Variants in FHIP1A observed in about 807,000 individuals in gnomAD.
FHIP1A encodes the protein FHF complex subunit HOOK interacting protein 1A, also known as FHF complex subunit HOOK-interacting protein 1A.
Under a neutral mutation model 88.6 loss-of-function variants are expected in FHIP1A, and 61 were observed. The observed-to-expected ratio is 0.69, with a 90% confidence interval of 0.56 to 0.85. The LOEUF is 0.85. FHIP1A is among the 40% of genes least tolerant of loss of function. FHIP1A has a pLI of 0.00. For missense variants in FHIP1A, 1,154 were observed against 1,273.5 expected (o/e 0.91, Z 1.43); for synonymous variants, 478 against 496.0 (o/e 0.96, Z 0.48).
intron 3 of FHIP1A, among the ~76,000 whole-genome samples, chr4:151,553,177 C>T (rs1732812319): frequency 6.6e-6 from 1 of 152,148 alleles, no homozygotes; most frequent in Non-Finnish European, 1.5e-5. Flanking sequence ...ATCTGATCCA[C>T]AGTGGGAGAT....
chr4:151,459,783 C>A (rs1443042284), intron 2 of FHIP1A, among the ~76,000 whole-genome samples: 1 of 152,152 alleles, frequency 6.6e-6, no homozygotes, highest in African/African-American at 2.4e-5. Flanking sequence ...AGAACAGTGG[C>A]TGAAGCTAGA....
At chr4:151,418,097 A>C (rs149585876) in intron 1 of FHIP1A, among the ~76,000 whole-genome samples, 2 of 147,864 alleles carry the variant, frequency 1.4e-5, no homozygotes, top group Non-Finnish European at 3.0e-5. Context: ...ACTTCAGCTC[A>C]GGAGTTTGAG....
chr4:151,511,822 C>T (rs1033368591), intron 3 of FHIP1A, among the ~76,000 whole-genome samples: 8 of 152,266 alleles, frequency 5.3e-5, no homozygotes, highest in Non-Finnish European at 1.0e-4. Flanking sequence ...CTCAAGGAGG[C>T]CTGCCTGCCT....
chr4:151,629,658 A>G, intron 7 of FHIP1A, 44 bp from the exon 8 acceptor site: 1 of 1,536,686 alleles, frequency 6.5e-7, no homozygotes, highest in Non-Finnish European at 8.8e-7. Flanking sequence ...GTATCACAGC[A>G]TCAAAAGGAT....
chr4:151,520,988 C>G (rs530965583), intron 3 of FHIP1A, among the ~76,000 whole-genome samples: 1 of 152,286 alleles, frequency 6.6e-6, no homozygotes, highest in South Asian at 2.1e-4. Flanking sequence ...AAGGTATTCA[C>G]TCAATTATGG....
At chr4:151,521,905 T>C (rs1407584932) in intron 3 of FHIP1A, among the ~76,000 whole-genome samples, 1 of 152,120 alleles carries the variant, frequency 6.6e-6, no homozygotes, top group Non-Finnish European at 1.5e-5. Context: ...TTAAAATTTT[T>C]TGTGGAGATG....
chr4:151,531,175 C>A (rs977422604), intron 3 of FHIP1A, among the ~76,000 whole-genome samples: 1 of 151,880 alleles, frequency 6.6e-6, no homozygotes, highest in Non-Finnish European at 1.5e-5. Context: ...TGCCAGCAAC[C>A]CTTTCAAATA....
chr4:151,475,817 G>GT (rs534253121), intron 2 of FHIP1A, among the ~76,000 whole-genome samples: 56 of 148,726 alleles, frequency 3.8e-4, no homozygotes, highest in Admixed American at 1.0e-3. Context: ...AAAGTCATCT[G>GT]TTTTTTTTTA....
intron 5 of FHIP1A, among the ~76,000 whole-genome samples, chr4:151,578,544 G>T (rs970534553): frequency 6.6e-6 from 1 of 152,154 alleles, no homozygotes; most frequent in Non-Finnish European, 1.5e-5. Context: ...ACATGGGGGG[G>T]TGGAGTGGGA....
In FHIP1A at chr4:151,487,302, G is replaced by A. The variant is rs149192504; in HGVS notation, c.-123+4654G>A. 4.7e-3 allele frequency among the ~76,000 whole-genome samples: 713 copies of A among 152,076 alleles called. 5 individuals are homozygous for A. The highest frequency in any genetic ancestry group is 6.4e-3 in the Non-Finnish European group (438 of 67,966). On this transcript the variant is annotated intron_variant, in intron 3 of 13. Coordinates refer to ENST00000435205, the MANE Select transcript of FHIP1A (RefSeq NM_001109977.3). ...TCTTTATTAGAAGAATCGTTTGTGA[G>A]TCTTCCTCTTCTTTTCAGTCTTTTT... is the stretch of plus-strand genomic sequence containing the variant.
chr4:151,535,451 A>G (rs528379357), intron 3 of FHIP1A, among the ~76,000 whole-genome samples: 1 of 152,306 alleles, frequency 6.6e-6, no homozygotes, highest in South Asian at 2.1e-4. Flanking sequence ...AACTAAACAT[A>G]CACAATCCCA....
At chr4:151,451,080 T>C (rs1421100591) in intron 1 of FHIP1A, among the ~76,000 whole-genome samples, 2 of 152,118 alleles carry the variant, frequency 1.3e-5, no homozygotes, top group Non-Finnish European at 2.9e-5. Flanking sequence ...GCCTGGCCAA[T>C]CTTCATTACT....
At chr4:151,645,644 A>G (rs1001600053) in intron 9 of FHIP1A, among the ~76,000 whole-genome samples, 2 of 151,366 alleles carry the variant, frequency 1.3e-5, no homozygotes, top group Non-Finnish European at 2.9e-5. Context: ...CTCATCTGCA[A>G]TTGGCTCCTG....
intron 3 of FHIP1A, among the ~76,000 whole-genome samples, chr4:151,526,622 C>A (rs1368244544): frequency 6.7e-6 from 1 of 149,814 alleles, no homozygotes; most frequent in Non-Finnish European, 1.5e-5. Context: ...GCTGATCCCC[C>A]CACCTCCCTC....
intron 3 of FHIP1A, among the ~76,000 whole-genome samples, chr4:151,508,982 A>G (rs1270028155): frequency 6.6e-6 from 1 of 152,140 alleles, no homozygotes; most frequent in African/African-American, 2.4e-5. Flanking sequence ...TTGGGTTTGG[A>G]TGAAATTCCT....
At chr4:151,505,720 T>C (rs1301462389) in intron 3 of FHIP1A, among the ~76,000 whole-genome samples, 1 of 152,220 alleles carries the variant, frequency 6.6e-6, no homozygotes, top group Non-Finnish European at 1.5e-5. Flanking sequence ...TGTGAGCCTG[T>C]AGTCCCACCT....
intron 1 of FHIP1A, among the ~76,000 whole-genome samples, chr4:151,427,054 A>G (rs1733407431): frequency 6.6e-6 from 1 of 152,114 alleles, no homozygotes; most frequent in Admixed American, 6.6e-5. Flanking sequence ...ATGTGTTATA[A>G]ATGATGGTGA....
At chr4:151,420,300 A>T (rs1004885137) in intron 1 of FHIP1A, among the ~76,000 whole-genome samples, 2 of 80,068 alleles carry the variant, frequency 2.5e-5, no homozygotes, top group Admixed American at 2.4e-4. Context: ...GTGTGAGATG[A>T]TATCTCATAG....
intron 7 of FHIP1A, among the ~76,000 whole-genome samples, chr4:151,598,797 T>C (rs1366495242): frequency 6.6e-6 from 1 of 152,222 alleles, no homozygotes; most frequent in Non-Finnish European, 1.5e-5. Flanking sequence ...TCAAAAGCTC[T>C]GGAAACTGAA....
Sources: gnomAD v4.1 joint callset for allele counts (sites outside exome capture counted in the v4.1 genomes callset) on GRCh38, gnomAD v4.1.1 for gene constraint, MANE v1.5 for transcripts, NCBI Gene and HGNC (gene_info 2026-07-23, HGNC 2026-07-21) for gene names.